Variants in SNTG2 observed in about 807,000 individuals in gnomAD.
The protein encoded by SNTG2 is syntrophin gamma 2.
In SNTG2, 74 loss-of-function variants were observed where a neutral mutation model predicts 70.9. That is an observed-to-expected ratio of 1.04 (90% CI 0.86 to 1.27). The LOEUF (loss-of-function observed/expected upper bound fraction) is 1.27. Ranked by LOEUF, SNTG2 falls within the 50% of genes most tolerant of loss-of-function variation. SNTG2 has a pLI of 0.00. For synonymous variants in SNTG2, 278 were observed against 273.8 expected (o/e 1.02, Z -0.15); for missense variants, 717 against 690.7 (o/e 1.04, Z -0.43).
chr2:1,365,725 TG>T (rs1384569279), intron 16 of SNTG2, among the ~76,000 whole-genome samples: 1 of 152,198 alleles, frequency 6.6e-6, no homozygotes, highest in African/African-American at 2.4e-5. Context: ...CTGGTCCAGC[TG>T]GGTCCTGTAC....
chr2:1,092,994 C>A (rs1665134406), intron 2 of SNTG2, among the ~76,000 whole-genome samples: 1 of 152,126 alleles, frequency 6.6e-6, no homozygotes, highest in African/African-American at 2.4e-5. Flanking sequence ...ATTTATTGAA[C>A]AATTACCTTA....
intron 6 of SNTG2, among the ~76,000 whole-genome samples, chr2:1,146,821 A>G (rs28834418): frequency 0.37 from 55,912 of 152,042 alleles, 11,125 homozygotes; most frequent in East Asian, 0.83. Context: ...GGACATCTAC[A>G]TGTACAAAAA....
chr2:1,027,443 C>A (rs1348447017), intron 1 of SNTG2, among the ~76,000 whole-genome samples: 1 of 151,278 alleles, frequency 6.6e-6, no homozygotes, highest in African/African-American at 2.4e-5. Context: ...CCCACAGACA[C>A]TACCCAGCAA....
rs1426333878 is a variant in SNTG2, at chr2:1,217,492, G to T, written c.719+8262G>T. On this transcript the variant is annotated intron_variant, in intron 9 of 16. Transcript: ENST00000308624. ...AAAAACATAAGCATTCTTCCTAATG[G>T]ACATCAGCAGATGCCACAGAGTGGG... Among the ~76,000 whole-genome samples, 3 of 152,172 alleles carry T rather than the reference G, an allele frequency of 2.0e-5. No homozygotes were observed. In the East Asian group the frequency reaches 5.8e-4, roughly 29 times the overall value.
At chr2:1,303,931 C>G (rs988130019) in intron 14 of SNTG2, among the ~76,000 whole-genome samples, 4 of 152,126 alleles carry the variant, frequency 2.6e-5, no homozygotes, top group African/African-American at 9.7e-5. Flanking sequence ...TTTGGGTAGC[C>G]TTACCATTAC....
chr2:1,204,090 C>CTA (rs1673475607), intron 8 of SNTG2, among the ~76,000 whole-genome samples: 1 of 152,158 alleles, frequency 6.6e-6, no homozygotes, highest in Non-Finnish European at 1.5e-5. Flanking sequence ...CAAAACTAGT[C>CTA]TATAACAGCA....
At chr2:1,088,513 G>T (rs1217617236) in intron 2 of SNTG2, among the ~76,000 whole-genome samples, 1 of 152,242 alleles carries the variant, frequency 6.6e-6, no homozygotes, top group African/African-American at 2.4e-5. Flanking sequence ...GAGCTCATCA[G>T]TGTAGAGCAA....
intron 1 of SNTG2, among the ~76,000 whole-genome samples, chr2:1,014,758 G>A (rs1436460433): frequency 6.6e-6 from 1 of 150,592 alleles, no homozygotes; most frequent in Non-Finnish European, 1.5e-5. Context: ...AGGGTGGTCT[G>A]GAGAAGGATT....
At chr2:1,337,481 A>G (rs868801631) in intron 16 of SNTG2, among the ~76,000 whole-genome samples, 1 of 152,158 alleles carries the variant, frequency 6.6e-6, no homozygotes, top group Non-Finnish European at 1.5e-5. Context: ...GGACACTTCT[A>G]TATCTTCCCT....
intron 8 of SNTG2, among the ~76,000 whole-genome samples, chr2:1,179,004 A>T (rs1405813672): frequency 1.3e-5 from 2 of 152,040 alleles, no homozygotes; most frequent in East Asian, 1.9e-4. Flanking sequence ...CTATTCAGAG[A>T]TTCAACTTCT....
At chr2:1,031,714 A>C (rs1324504159) in intron 1 of SNTG2, among the ~76,000 whole-genome samples, 1 of 151,284 alleles carries the variant, frequency 6.6e-6, no homozygotes, top group East Asian at 1.9e-4. Flanking sequence ...TCACATTTCT[A>C]TGTAGTAATG....
intron 16 of SNTG2, among the ~76,000 whole-genome samples, chr2:1,329,223 T>G (rs1681887627): frequency 6.6e-6 from 1 of 152,154 alleles, no homozygotes; most frequent in African/African-American, 2.4e-5. Context: ...TTTCTCTGAG[T>G]AAATGGTTTT....
intron 8 of SNTG2, among the ~76,000 whole-genome samples, chr2:1,201,946 C>T (rs1673300847): frequency 6.6e-6 from 1 of 151,766 alleles, no homozygotes; most frequent in African/African-American, 2.4e-5. Context: ...CTGTTGAAAA[C>T]CAAGGAAGAA....
intron 4 of SNTG2, among the ~76,000 whole-genome samples, chr2:1,133,348 G>A (rs574316672): frequency 1.9e-3 from 296 of 152,176 alleles, no homozygotes; most frequent in Middle Eastern, 0.014. Context: ...TTATGTTCAC[G>A]ATAACACAGT....
intron 14 of SNTG2, among the ~76,000 whole-genome samples, chr2:1,307,435 CTGTGTGTGTGTG>C (rs35500323): frequency 2.9e-5 from 4 of 138,598 alleles, no homozygotes; most frequent in African/African-American, 1.1e-4. Context: ...GAGCCGTGTA[CTGTGTGTGTGTG>C]TGTGTGTGTG....
rs565363070 is a variant in SNTG2, at chr2:1,273,965, A to C, written c.1284+6394A>C. 8.5e-5 allele frequency among the ~76,000 whole-genome samples: 13 copies of C among 152,356 alleles called. No individual in the cohort carries two copies. The South Asian group carries it at 2.5e-3, about 29-fold the overall frequency. On this transcript the variant is annotated intron_variant, in intron 14 of 16. Coordinates refer to ENST00000308624, the MANE Select transcript of SNTG2 (RefSeq NM_018968.4). ...GATCTCAAAGCTCAATGATTAGAAA[A>C]ACAATAAGAAATTTGGGAAAAGGCT... is the stretch of plus-strand genomic sequence containing the variant.
At chr2:1,017,873 A>G (rs1659956367) in intron 1 of SNTG2, among the ~76,000 whole-genome samples, 2 of 152,138 alleles carry the variant, frequency 1.3e-5, no homozygotes, top group South Asian at 4.1e-4. Flanking sequence ...GTGTTCTACA[A>G]ATGCGGATGG....
intron 14 of SNTG2, among the ~76,000 whole-genome samples, chr2:1,303,587 T>C (rs1051749647): frequency 7.9e-5 from 12 of 151,846 alleles, no homozygotes; most frequent in African/African-American, 2.9e-4. Flanking sequence ...CTAGAAACAA[T>C]AAACTATAAA....
intron 9 of SNTG2, among the ~76,000 whole-genome samples, chr2:1,223,693 G>A (rs1440614428): frequency 6.6e-6 from 1 of 152,232 alleles, no homozygotes; most frequent in Non-Finnish European, 1.5e-5. Flanking sequence ...GGAGGAGCCA[G>A]GCGTGTCTGG....
Sources: allele counts gnomAD v4.1 joint callset (sites outside exome capture counted in the v4.1 genomes callset), GRCh38; gene constraint gnomAD v4.1.1; transcripts MANE v1.5; gene names NCBI Gene and HGNC (gene_info 2026-07-23, HGNC 2026-07-21).